Variants in SLC2A9 observed in about 807,000 individuals in gnomAD.
SLC2A9 encodes the protein solute carrier family 2, facilitated glucose transporter member 9.
A neutral mutation model predicts 50.6 loss-of-function variants in SLC2A9; 39 were observed. The ratio of observed to expected loss-of-function variants is 0.77; its 90% CI spans 0.60 to 1.01. The LOEUF is 1.01. Among genes scored for constraint, SLC2A9 ranks in the 50% least tolerant of loss-of-function variants. The pLI is 0.00. For synonymous variants in SLC2A9, 324 were observed against 276.9 expected (o/e 1.17, Z -1.69); for missense variants, 686 against 677.6 (o/e 1.01, Z -0.14).
At chr4:10,008,179 C>G (rs904182540) in intron 2 of SLC2A9, among the ~76,000 whole-genome samples, 1 of 152,200 alleles carries the variant, frequency 6.6e-6, no homozygotes, top group Non-Finnish European at 1.5e-5. Flanking sequence ...GTTCCTTTCC[C>G]CATTTGGCTC....
chr4:9,967,822 G>T lies in SLC2A9; in HGVS notation c.681+12770C>A, dbSNP rs936375778. Among the ~76,000 whole-genome samples, 4 of 114,186 alleles carry T rather than the reference G, an allele frequency of 3.5e-5. No individual in the cohort carries two copies. The Admixed American group carries it at 3.5e-4, about 10-fold the overall frequency. The allele number at this position is 114,186 out of a possible 152,430, so 74.9% of individuals were successfully genotyped here. A position where few individuals can be genotyped will look rare whatever the true frequency, so the allele number is the denominator to read the frequency against. On this transcript the variant is annotated intron_variant, in intron 5 of 11. Transcript: ENST00000264784. ...GGTTATTTAAAAATAAGAAAGTATA[G>T]AACAAAACAAAAGTTATAAGCATGC...
intron 3 of SLC2A9, chr4:9,782,890 C>A: frequency 1.2e-6 from 2 of 1,614,010 alleles, no homozygotes; most frequent in Non-Finnish European, 1.7e-6. Context: ...TGCGCGCTTC[C>A]ATCAAGAAGG....
intron 10 of SLC2A9, among the ~76,000 whole-genome samples, chr4:9,856,598 A>G (rs1210588944): frequency 1.3e-5 from 2 of 152,250 alleles, no homozygotes; most frequent in Non-Finnish European, 2.9e-5. Flanking sequence ...GTGATCCAGC[A>G]GTCCCATTAT....
chr4:10,006,999 C>G (rs2109387992), intron 2 of SLC2A9, among the ~76,000 whole-genome samples: 1 of 152,228 alleles, frequency 6.6e-6, no homozygotes, highest in African/African-American at 2.4e-5. Context: ...TCCCGTGAGG[C>G]TCTGCTAGAA....
chr4:9,993,635 C>A (rs1212206952), intron 3 of SLC2A9, among the ~76,000 whole-genome samples: 3 of 152,008 alleles, frequency 2.0e-5, no homozygotes, highest in Non-Finnish European at 2.9e-5. Context: ...TGTTTGTACA[C>A]CAAACATAGT....
At chr4:9,886,527 C>G (rs2109726595) in intron 10 of SLC2A9, among the ~76,000 whole-genome samples, 1 of 151,762 alleles carries the variant, frequency 6.6e-6, no homozygotes, top group African/African-American at 2.4e-5. Context: ...CATGGCCCAC[C>G]TTGCCACCTT....
At chr4:10,010,916 C>T (rs889390283) in intron 2 of SLC2A9, among the ~76,000 whole-genome samples, 4 of 152,118 alleles carry the variant, frequency 2.6e-5, no homozygotes, top group Non-Finnish European at 5.9e-5. Context: ...AATGTCCATC[C>T]CCCAGTGGTC....
intron 10 of SLC2A9, among the ~76,000 whole-genome samples, chr4:9,878,801 G>C (rs1405666078): frequency 6.6e-6 from 1 of 152,010 alleles, no homozygotes; most frequent in Non-Finnish European, 1.5e-5. Context: ...CAGTCTTGTG[G>C]GATTGAACCC....
At chr4:9,793,675 C>T (rs1720245484) in intron 3 of SLC2A9, among the ~76,000 whole-genome samples, 1 of 152,066 alleles carries the variant, frequency 6.6e-6, no homozygotes, top group Non-Finnish European at 1.5e-5. Flanking sequence ...ATTTCAAAGG[C>T]CTGTTTTTTG....
intron 5 of SLC2A9, among the ~76,000 whole-genome samples, chr4:9,943,886 C>T (rs1022046021): frequency 1.3e-5 from 2 of 152,190 alleles, no homozygotes; most frequent in Non-Finnish European, 2.9e-5. Flanking sequence ...TGGCTGTCTC[C>T]TTCCACCGCA....
rs561504193 is a variant in SLC2A9, at chr4:9,888,129, G to A, written c.1216-487C>T. Among the ~76,000 whole-genome samples, 7 of 149,838 alleles carry A rather than the reference G, an allele frequency of 4.7e-5. No homozygotes were observed. In the East Asian group the frequency reaches 1.4e-3, roughly 29 times the overall value. On this transcript the variant is annotated intron_variant, in intron 9 of 11. Coordinates refer to ENST00000264784, the MANE Select transcript of SLC2A9 (RefSeq NM_020041.3). ...TGGGGCCTGTTTTGGGGGGTGGGGG[G>A]CTGGAGGAGGGATAGCATTAGGAGA...
intron 2 of SLC2A9, among the ~76,000 whole-genome samples, chr4:10,000,032 T>C (rs7695555): frequency 0.52 from 78,955 of 151,980 alleles, 21,534 homozygotes; most frequent in South Asian, 0.65. Context: ...CATAAGCAAA[T>C]GGTCTGATGG....
At chr4:9,872,890 T>C (rs982322873) in intron 10 of SLC2A9, among the ~76,000 whole-genome samples, 1 of 152,244 alleles carries the variant, frequency 6.6e-6, no homozygotes, top group Non-Finnish European at 1.5e-5. Context: ...TCTCTATGAT[T>C]TGACTTTCAG....
intron 7 of SLC2A9, among the ~76,000 whole-genome samples, chr4:9,913,008 G>A (rs967997182): frequency 6.6e-6 from 1 of 152,190 alleles, no homozygotes; most frequent in African/African-American, 2.4e-5. Flanking sequence ...ATGCAGAAAG[G>A]GGCCACAAGC....
At chr4:9,847,358 A>G (rs553642548) in intron 10 of SLC2A9, among the ~76,000 whole-genome samples, 2 of 152,306 alleles carry the variant, frequency 1.3e-5, no homozygotes, top group South Asian at 4.1e-4. Context: ...ATCTCATGAG[A>G]ACTCACTCAC....
chr4:9,949,244 G>C (rs1376266871), intron 5 of SLC2A9, among the ~76,000 whole-genome samples: 2 of 152,130 alleles, frequency 1.3e-5, no homozygotes, highest in African/African-American at 4.8e-5. Context: ...TCTGCCCAGT[G>C]CCAGGTAAAA....
At chr4:9,914,502 G>A (rs537208314) in intron 7 of SLC2A9, among the ~76,000 whole-genome samples, 84 of 152,304 alleles carry the variant, frequency 5.5e-4, no homozygotes, top group Admixed American at 2.0e-3. Context: ...CTACAGCTGC[G>A]CACCTTACGC....
chr4:9,965,258 G>A (rs1324239155), intron 5 of SLC2A9, among the ~76,000 whole-genome samples: 1 of 152,210 alleles, frequency 6.6e-6, no homozygotes, highest in African/African-American at 2.4e-5. Flanking sequence ...AGTCGGGCAC[G>A]AGGGCCCAGG....
At chr4:9,847,285 T>G (rs932888601) in intron 10 of SLC2A9, among the ~76,000 whole-genome samples, 1 of 152,202 alleles carries the variant, frequency 6.6e-6, no homozygotes, top group Non-Finnish European at 1.5e-5. Context: ...AAGTATATCT[T>G]ACTGTGGTGG....
Sources: gnomAD v4.1 joint callset for allele counts (sites outside exome capture counted in the v4.1 genomes callset) on GRCh38, gnomAD v4.1.1 for gene constraint, MANE v1.5 for transcripts, NCBI Gene and HGNC (gene_info 2026-07-23, HGNC 2026-07-21) for gene names.